The following HEATR5B variants were observed in gnomAD, a reference collection of about 807,000 sequenced individuals.
HEATR5B encodes the protein HEAT repeat containing 5B.
Under a neutral mutation model 224.1 loss-of-function variants are expected in HEATR5B, and 156 were observed. The observed-to-expected ratio is 0.70, with a 90% CI of 0.61 to 0.80. The LOEUF (loss-of-function observed/expected upper bound fraction) is 0.80. Among genes scored for constraint, HEATR5B ranks in the 30% least tolerant of loss-of-function variants. The pLI, the probability that HEATR5B is intolerant of heterozygous loss-of-function variation, is 0.00. For missense variants in HEATR5B, 2,323 were observed against 2,535.5 expected (o/e 0.92, Z 1.80); for synonymous variants, 1,027 against 893.0 (o/e 1.15, Z -2.68).
chr2:37,033,028 C>T (rs1314397420), intron 21 of HEATR5B, among the ~76,000 whole-genome samples: 4 of 151,834 alleles, frequency 2.6e-5, no homozygotes, highest in Non-Finnish European at 4.4e-5. Context: ...TTACAGGTGC[C>T]TGCCACCACA....
intron 28 of HEATR5B, among the ~76,000 whole-genome samples, chr2:37,007,582 G>A (rs1214920519): frequency 3.3e-5 from 5 of 151,820 alleles, no homozygotes; most frequent in African/African-American, 4.8e-5. Context: ...CAATCCACCC[G>A]CCTCAGCCTC....
At chr2:37,038,443 A>C (rs1262022805) in intron 20 of HEATR5B, among the ~76,000 whole-genome samples, 1 of 152,160 alleles carries the variant, frequency 6.6e-6, no homozygotes, top group Non-Finnish European at 1.5e-5. Context: ...CCCGGCCTAT[A>C]TGCCTATCTT....
At chr2:36,996,355 G>A (rs985762098) in intron 33 of HEATR5B, among the ~76,000 whole-genome samples, 9 of 151,702 alleles carry the variant, frequency 5.9e-5, no homozygotes, top group African/African-American at 1.5e-4. Flanking sequence ...CAATGTGCTC[G>A]GCCCTGATTT....
rs1197912805 is a variant in HEATR5B at position 37,008,620 on chromosome 2, G to A, written c.4513C>T (p.Pro1505Ser). The change falls in exon 28 of 36, where the codon CCT becomes TCT. Residue 1505 changes from proline (P) to serine (S), a missense_variant. By Grantham distance (74) the Pro-to-Ser change is moderately conservative. This residue lies in a region of HEATR5B where 844 missense variants were observed against 812.9 expected (regional missense o/e 1.04). Transcript: ENST00000233099. ...AGAATGTAATACTCACCATCTGGAG[G>A]AAGCTGACTAGAAAATTCGGCTGGT... Reference protein sequence around the residue: ...TLPAEFSSQLPPDGGAFYTPE... With the variant: ...TLPAEFSSQLSPDGGAFYTPE... 1.2e-6 allele frequency: 2 copies of A among 1,609,296 alleles called. No homozygotes were observed. The highest frequency in any genetic ancestry group is 1.3e-5 in the African/African-American group (1 of 74,796).
At chr2:37,054,909 A>C (rs1670806856) in intron 16 of HEATR5B, among the ~76,000 whole-genome samples, 1 of 152,216 alleles carries the variant, frequency 6.6e-6, no homozygotes, top group Non-Finnish European at 1.5e-5. Flanking sequence ...GTTGGTAATA[A>C]AATCTCCCTG....
intron 5 of HEATR5B, among the ~76,000 whole-genome samples, chr2:37,073,832 G>C (rs548003720): frequency 1.3e-5 from 2 of 152,228 alleles, no homozygotes; most frequent in East Asian, 3.9e-4. Flanking sequence ...CAAAGTTGGA[G>C]GGCTAACAGC....
At position 37,014,014 on chromosome 2, in the gene HEATR5B, T is replaced by C; in HGVS notation, c.4111A>G (p.Ser1371Gly). The C allele has an allele frequency of 6.4e-7, 1 of 1,564,454 alleles. No individual in the cohort carries two copies. Among genetic ancestry groups the C allele is most frequent in the Non-Finnish European group, 8.7e-7 (1 of 1,150,646 alleles). Reference sequence around the variant, plus strand: ...ACAACTCCACTTCCTATCCATGTACTACATACCTAGACAAAGAGAATTCAA... The same window carrying C: ...ACAACTCCACTTCCTATCCATGTACCACATACCTAGACAAAGAGAATTCAA... ...DIIAKACQVC[S>G]TWIGSGVVSD... Residue 1371 changes from serine (S) to glycine (G), a missense_variant, in exon 27 of 36, where the codon AGT becomes GGT. Ser to Gly is a moderately conservative substitution (Grantham distance 56). Transcript: ENST00000233099.
intron 26 of HEATR5B, among the ~76,000 whole-genome samples, chr2:37,017,687 CAAAAAA>C (rs1056240189): frequency 1.6e-5 from 1 of 61,696 alleles, no homozygotes; most frequent in South Asian, 5.6e-4. Flanking sequence ...AATTCCGTCT[CAAAAAA>C]AAAAAAAAAA....
In HEATR5B at chr2:37,047,570, C is replaced by G. The variant is rs184087625; in HGVS notation, c.2696+2083G>C. Among the ~76,000 whole-genome samples, 63 of 152,212 alleles carry G rather than the reference C, an allele frequency of 4.1e-4. 1 individual carries two copies. Among genetic ancestry groups the G allele is most frequent in the Admixed American group, 3.7e-3 (57 of 15,290 alleles). On this transcript the variant is annotated intron_variant, in intron 18 of 35. Coordinates refer to ENST00000233099, the MANE Select transcript of HEATR5B (RefSeq NM_019024.3). ...ACTTTCAATTGAATGGAAATAAATT[C>G]AACTATCAAAGATTTTTATTTTTAT...
chr2:37,049,521 G>T, intron 18 of HEATR5B, 132 bp downstream of exon 18: 2 of 747,198 alleles, frequency 2.7e-6, no homozygotes, highest in Non-Finnish European at 4.3e-6. Context: ...TAAAAATTGA[G>T]ATCATTACAA....
chr2:37,038,914 G>GA lies in HEATR5B; in HGVS notation c.3047-891_3047-890insT, dbSNP rs1558329168. Among the ~76,000 whole-genome samples the GA allele has an allele frequency of 5.5e-4, 78 of 142,754 alleles. 7 individuals carry two copies. The highest frequency in any genetic ancestry group is 9.4e-4 in the Non-Finnish European group (61 of 64,944). 93.7% of individuals were successfully genotyped at this position (142,754 alleles called of 152,430 possible). ...GACTCTGTCTCCCTGGGGTGGGGGG[G>GA]GTGGGGAATCACATATTTTTCAATT... On this transcript the variant is annotated intron_variant, in intron 20 of 35. Coordinates refer to ENST00000233099, the MANE Select transcript of HEATR5B (RefSeq NM_019024.3).
In HEATR5B at chr2:37,056,599, G is replaced by A. The variant is rs1670927005; in HGVS notation, c.2240C>T (p.Ala747Val). 1 of 1,594,392 alleles carries A rather than the reference G, an allele frequency of 6.3e-7. No individual in the cohort carries two copies. The highest frequency in any genetic ancestry group is 8.5e-7 in the Non-Finnish European group (1 of 1,172,250). Residue 747 changes from alanine (A) to valine (V), a missense_variant, in exon 16 of 36, where the codon GCC becomes GTC. Ala to Val is a moderately conservative substitution (Grantham distance 64, BLOSUM62 0). Transcript: ENST00000233099. ...SIEDQLQPNS[A>V]SGSGALEHDP... is the part of the protein sequence containing the mutation. ...ATGCTCCAGAGCCCCACTTCCAGAGGCACTGTTTGGCTGGAGCTGCAAAAG... is the reference window on the plus strand; with the variant it reads ...ATGCTCCAGAGCCCCACTTCCAGAGACACTGTTTGGCTGGAGCTGCAAAAG...
intron 11 of HEATR5B, among the ~76,000 whole-genome samples, chr2:37,061,721 G>C (rs1028545477): frequency 2.6e-5 from 4 of 152,140 alleles, no homozygotes; most frequent in African/African-American, 9.7e-5. Context: ...TGATGGTAAA[G>C]GTGAAACTTT....
chr2:37,032,597 A>C (rs1669201725), intron 22 of HEATR5B, 32 bp downstream of exon 22: 2 of 1,578,834 alleles, frequency 1.3e-6, no homozygotes. Flanking sequence ...GTAGTTAAAC[A>C]AAAAACAATA....
chr2:37,064,934 C>A lies in HEATR5B; in HGVS notation c.1390G>T (p.Ala464Ser). Residue 464 changes from alanine to serine, a missense_variant, in exon 10 of 36, where the codon GCT becomes TCT. Physicochemically the swap from Ala to Ser is moderately conservative, Grantham distance 99. This residue lies in a region of HEATR5B where 502 missense variants were observed against 517.8 expected (regional missense o/e 0.97). Coordinates refer to ENST00000233099, the MANE Select transcript of HEATR5B (RefSeq NM_019024.3). The part of the protein sequence containing the change: ...LLHPSMAARL[A>S]AAWCLRCVAV... ...ACACAGCGCAAACACCATGCAGCAGCAAGTCGGGCAGCCATGCTTGGATGA... is the reference window on the plus strand; with the variant it reads ...ACACAGCGCAAACACCATGCAGCAGAAAGTCGGGCAGCCATGCTTGGATGA... 1 of 1,614,144 alleles carries A rather than the reference C, an allele frequency of 6.2e-7. No homozygotes were observed. The highest frequency in any genetic ancestry group is 8.5e-7 in the Non-Finnish European group (1 of 1,180,018).
At chr2:37,075,704 C>A (rs1672186625) in intron 4 of HEATR5B, 70 bp from the exon 5 acceptor site, 1 of 1,266,908 alleles carries the variant, frequency 7.9e-7, no homozygotes, top group South Asian at 1.6e-5. Context: ...CACACCAAGA[C>A]AAAAGTTCTT....
At chr2:37,055,880 T>C (rs1670877031) in intron 16 of HEATR5B, among the ~76,000 whole-genome samples, 1 of 152,236 alleles carries the variant, frequency 6.6e-6, no homozygotes, top group Non-Finnish European at 1.5e-5. Flanking sequence ...AACTGCCTAC[T>C]AAAGCTAGGA....
rs775780063 is a variant in HEATR5B, at chr2:37,028,011, C to A, written c.3765G>T (p.Leu1255=). 5.4e-5 allele frequency: 87 copies of A among 1,614,050 alleles called. No individual in the cohort carries two copies. The highest frequency in any genetic ancestry group is 7.1e-5 in the Non-Finnish European group (84 of 1,180,012). The change falls in exon 24 of 36, where the codon CTG becomes CTT. Residue 1255 remains leucine, a synonymous_variant. Transcript: ENST00000233099. ...WATRVFAADC[L]CRIINLCENA... Reference sequence around the variant, plus strand: ...TCTCACACAAATTGATGATTCGACACAGGCAATCGGCAGCAAATACTCGAG... The same window carrying A: ...TCTCACACAAATTGATGATTCGACAAAGGCAATCGGCAGCAAATACTCGAG...
chr2:37,047,655 T>A (rs534130178), intron 18 of HEATR5B, among the ~76,000 whole-genome samples: 2 of 152,338 alleles, frequency 1.3e-5, no homozygotes, highest in South Asian at 4.1e-4. Context: ...GTTTACAGAA[T>A]GATTCCTGTC....
Sources: allele counts gnomAD v4.1 joint callset (sites outside exome capture counted in the v4.1 genomes callset), GRCh38; gene constraint gnomAD v4.1.1; regional missense constraint gnomAD v4.1.1; transcripts MANE v1.5; gene names NCBI Gene and HGNC (gene_info 2026-07-23, HGNC 2026-07-21).